Variants in L3MBTL4 observed in about 807,000 individuals in gnomAD.
L3MBTL4 encodes the protein lethal(3)malignant brain tumor-like protein 4.
In L3MBTL4, 70 loss-of-function variants were observed where a neutral mutation model predicts 84.5. That is an observed-to-expected ratio of 0.83 (90% confidence interval 0.68 to 1.01). The LOEUF (loss-of-function observed/expected upper bound fraction) is 1.01. Ranked by LOEUF, L3MBTL4 falls within the 50% of genes least tolerant of loss-of-function variation. The pLI is 0.00. For missense variants in L3MBTL4, 715 were observed against 754.8 expected (o/e 0.95, Z 0.62); for synonymous variants, 274 against 259.8 (o/e 1.05, Z -0.52).
chr18:6,269,518 A>G (rs1349985849), intron 4 of L3MBTL4, among the ~76,000 whole-genome samples: 7 of 152,162 alleles, frequency 4.6e-5, no homozygotes, highest in Admixed American at 4.6e-4. Flanking sequence ...ATATATATTT[A>G]TAGCCAAAAA....
chr18:6,095,495 T>C (rs530334049), intron 14 of L3MBTL4, among the ~76,000 whole-genome samples: 74 of 151,928 alleles, frequency 4.9e-4, no homozygotes, highest in Non-Finnish European at 9.4e-4. Flanking sequence ...GGACTACAGG[T>C]GCCCACAACC....
intron 14 of L3MBTL4, among the ~76,000 whole-genome samples, chr18:6,131,892 T>C (rs887903001): frequency 6.6e-6 from 1 of 152,230 alleles, no homozygotes; most frequent in Non-Finnish European, 1.5e-5. Flanking sequence ...TTATGAATGA[T>C]ATCAATTTTT....
At chr18:6,254,071 G>A (rs530727995) in intron 5 of L3MBTL4, among the ~76,000 whole-genome samples, 58 of 152,228 alleles carry the variant, frequency 3.8e-4, no homozygotes, top group African/African-American at 1.2e-3. Flanking sequence ...GTCTTCGGGC[G>A]TTCTAGAATC....
intron 1 of L3MBTL4, chr18:6,397,997 G>C (rs1204011719): frequency 6.6e-6 from 1 of 152,116 alleles, no homozygotes; most frequent in Non-Finnish European, 1.5e-5. Context: ...TTCTGAGATG[G>C]TTTCCCTCTT....
chr18:6,217,174 G>A (rs2046361600), intron 10 of L3MBTL4, among the ~76,000 whole-genome samples: 1 of 152,026 alleles, frequency 6.6e-6, no homozygotes, highest in African/African-American at 2.4e-5. Flanking sequence ...CAAGTGGATA[G>A]ACTGAACATT....
chr18:6,032,562 A>G (rs189200101), intron 16 of L3MBTL4, among the ~76,000 whole-genome samples: 1 of 152,006 alleles, frequency 6.6e-6, no homozygotes, highest in Non-Finnish European at 1.5e-5. Flanking sequence ...GGTAAAATAC[A>G]CACAATATTT....
chr18:6,354,657 T>A (rs1456378414), intron 1 of L3MBTL4, among the ~76,000 whole-genome samples: 1 of 152,116 alleles, frequency 6.6e-6, no homozygotes, highest in Non-Finnish European at 1.5e-5. Flanking sequence ...GACATACAAA[T>A]GGCAAATGGG....
chr18:6,283,160 A>G (rs992920227), intron 4 of L3MBTL4, among the ~76,000 whole-genome samples: 1 of 152,200 alleles, frequency 6.6e-6, no homozygotes, highest in African/African-American at 2.4e-5. Flanking sequence ...ATAATCCTAT[A>G]TATCTGTTAA....
At chr18:6,103,123 A>G (rs900205024) in intron 14 of L3MBTL4, among the ~76,000 whole-genome samples, 1 of 152,220 alleles carries the variant, frequency 6.6e-6, no homozygotes, top group African/African-American at 2.4e-5. Flanking sequence ...TGTCTAATTT[A>G]TGCATGGAGA....
At chr18:6,397,910 A>G (rs540935778) in intron 1 of L3MBTL4, 5 of 151,950 alleles carry the variant, frequency 3.3e-5, no homozygotes, top group Non-Finnish European at 7.4e-5. Flanking sequence ...GAGAAGTTCC[A>G]TAGTAACCCC....
At chr18:6,371,618 G>T (rs546242740) in intron 1 of L3MBTL4, among the ~76,000 whole-genome samples, 4 of 152,004 alleles carry the variant, frequency 2.6e-5, no homozygotes, top group Non-Finnish European at 5.9e-5. Flanking sequence ...TACAATTCCC[G>T]CCCCAAATGT....
At chr18:6,256,984 G>C (rs1243156445) in intron 5 of L3MBTL4, 2 of 152,662 alleles carry the variant, frequency 1.3e-5, no homozygotes, top group Non-Finnish European at 2.9e-5. Flanking sequence ...GCTGAGAAAA[G>C]GCAGTGGGAA....
At chr18:6,339,603 G>A (rs1313572718) in intron 1 of L3MBTL4, among the ~76,000 whole-genome samples, 1 of 151,718 alleles carries the variant, frequency 6.6e-6, no homozygotes, top group African/African-American at 2.4e-5. Context: ...TTTTATAAGA[G>A]AAAATATCAA....
At chr18:5,992,780 A>C (rs993162087) in intron 16 of L3MBTL4, among the ~76,000 whole-genome samples, 1 of 152,186 alleles carries the variant, frequency 6.6e-6, no homozygotes, top group Non-Finnish European at 1.5e-5. Context: ...GCCTTCCGCC[A>C]TGAGTAAAAG....
In L3MBTL4 at chr18:6,315,486, T is replaced by C. The variant is rs889362386; in HGVS notation, c.-90-3430A>G. On this transcript the variant is annotated intron_variant, in intron 1 of 18. Transcript: ENST00000317931. ...CGTATACACTTTCAATTAATACTTATGACAGCCCGACAATATGTGTACCAC... is the reference window on the plus strand; with the variant it reads ...CGTATACACTTTCAATTAATACTTACGACAGCCCGACAATATGTGTACCAC... Among the ~76,000 whole-genome samples, 6 of 152,226 alleles carry C rather than the reference T, an allele frequency of 3.9e-5. No homozygotes were observed. The South Asian group carries it at 1.0e-3, about 26-fold the overall frequency.
At chr18:6,092,581 A>G (rs1400154072) in intron 15 of L3MBTL4, among the ~76,000 whole-genome samples, 1 of 152,176 alleles carries the variant, frequency 6.6e-6, no homozygotes, top group African/African-American at 2.4e-5. Flanking sequence ...GGGTCAGGAA[A>G]ACACCCATTT....
At chr18:6,362,817 A>G (rs1003986475) in intron 1 of L3MBTL4, among the ~76,000 whole-genome samples, 2 of 152,256 alleles carry the variant, frequency 1.3e-5, no homozygotes, top group African/African-American at 4.8e-5. Flanking sequence ...TACAGGAAAA[A>G]CAAATGCAAG....
At chr18:6,215,704 A>T in intron 11 of L3MBTL4, 46 bp downstream of exon 11, 2 of 1,114,892 alleles carry the variant, frequency 1.8e-6, no homozygotes. Context: ...ATGACTCAAT[A>T]CAAACGTTGT....
At position 6,138,178 on chromosome 18, in the gene L3MBTL4, AT is replaced by A; in HGVS notation, c.1199+15del. On this transcript the variant is annotated intron_variant, in intron 14 of 18. Transcript: ENST00000317931. ...TCCATTCATCCAGGAAATAACTTAA[AT>A]AAGAAAAATGTTACCTGTGATGTCC... 6.4e-7 allele frequency: 1 copy of A among 1,560,688 alleles called. No individual in the cohort carries two copies. The highest frequency in any genetic ancestry group is 8.8e-7 in the Non-Finnish European group (1 of 1,135,448).
Sources: allele counts gnomAD v4.1 joint callset (sites outside exome capture counted in the v4.1 genomes callset), GRCh38; gene constraint gnomAD v4.1.1; transcripts MANE v1.5; gene names NCBI Gene and HGNC (gene_info 2026-07-23, HGNC 2026-07-21).